SAMD12: variants seen among roughly 807,000 people sequenced by gnomAD.
The protein encoded by SAMD12 is sterile alpha motif domain containing 12, also known as sterile alpha motif domain-containing protein 12.
SAMD12 carries 9 observed loss-of-function variants against 15.0 expected under a neutral mutation model. The ratio of observed to expected loss-of-function variants is 0.60; its 90% CI spans 0.36 to 1.05. The LOEUF is 1.05. Ranked by LOEUF, SAMD12 falls within the 50% of genes least tolerant of loss-of-function variation. The pLI, the probability that SAMD12 is intolerant of heterozygous loss-of-function variation, is 0.01. For missense variants in SAMD12, 230 were observed against 234.2 expected (o/e 0.98, Z 0.12); for synonymous variants, 86 against 90.1 (o/e 0.96, Z 0.25).
chr8:118,603,440 A>G (rs1296452278), intron 1 of SAMD12, among the ~76,000 whole-genome samples: 3 of 152,242 alleles, frequency 2.0e-5, no homozygotes, highest in Admixed American at 2.0e-4. Context: ...TCCCAAAAAC[A>G]TGACTGGAAA....
chr8:118,184,480 A>G (rs577796787), downstream of SAMD12, among the ~76,000 whole-genome samples: 2 of 131,240 alleles, frequency 1.5e-5, no homozygotes, highest in African/African-American at 5.0e-5. Flanking sequence ...ATCTTTCTGA[A>G]TAATTTCTTT....
chr8:118,588,131 G>T (rs940925428), intron 1 of SAMD12, among the ~76,000 whole-genome samples: 8 of 152,262 alleles, frequency 5.3e-5, no homozygotes, highest in African/African-American at 1.7e-4. Flanking sequence ...TTGCTTAGCT[G>T]GGGTCCTAAG....
rs541859287 is a variant in SAMD12 at position 118,484,931 on chromosome 8, A to G, written c.193-44970T>C. ...GAGAATATGGAGGTCAAGAAACCCA[A>G]TGATCCTTGGTCGTATGCAGCTTTC... On this transcript the variant is annotated intron_variant, in intron 2 of 3. Transcript: ENST00000314727. 3.9e-5 allele frequency among the ~76,000 whole-genome samples: 6 copies of G among 152,308 alleles called. No homozygotes were observed. In the East Asian group the frequency reaches 9.6e-4, roughly 24 times the overall value.
chr8:118,557,517 T>G (rs1826575395), intron 2 of SAMD12, among the ~76,000 whole-genome samples: 1 of 152,190 alleles, frequency 6.6e-6, no homozygotes, highest in Admixed American at 6.5e-5. Context: ...GAAATGAGTC[T>G]TTAAAGATGA....
the SAMD12 span, among the ~76,000 whole-genome samples, chr8:118,168,345 T>C: frequency 2.0e-5 from 3 of 152,144 alleles, no homozygotes; most frequent in Non-Finnish European, 4.4e-5. Context: ...ACCTGTGTCC[T>C]CTCTTTCCAC....
chr8:118,533,380 T>G (rs1825742978), intron 2 of SAMD12, among the ~76,000 whole-genome samples: 1 of 152,236 alleles, frequency 6.6e-6, no homozygotes, highest in Admixed American at 6.5e-5. Flanking sequence ...AATTTTGGAA[T>G]AAGTGTGATG....
chr8:118,320,672 T>TGGGGGG (rs71569763), intron 4 of SAMD12, among the ~76,000 whole-genome samples: 136 of 85,120 alleles, frequency 1.6e-3, no homozygotes, highest in Middle Eastern at 6.6e-3. Context: ...TGTCGTGGGG[T>TGGGGGG]GGGGGGGGTG....
At chr8:118,262,607 C>G (rs543495376) in intron 4 of SAMD12, among the ~76,000 whole-genome samples, 1 of 152,072 alleles carries the variant, frequency 6.6e-6, no homozygotes, top group Non-Finnish European at 1.5e-5. Flanking sequence ...GCACAGACAA[C>G]ATGGAAAAGA....
the SAMD12 span, among the ~76,000 whole-genome samples, chr8:118,148,899 C>T: frequency 4.6e-5 from 7 of 152,120 alleles, no homozygotes; most frequent in African/African-American, 1.2e-4. Flanking sequence ...TTCTATTGTA[C>T]GGTTATACGG....
intron 2 of SAMD12, among the ~76,000 whole-genome samples, chr8:118,472,262 G>A (rs1490613761): frequency 2.6e-5 from 4 of 151,626 alleles, no homozygotes; most frequent in Non-Finnish European, 5.9e-5. Context: ...ACTCCAGCCC[G>A]GGTGACAGAG....
intron 3 of SAMD12, among the ~76,000 whole-genome samples, chr8:118,421,531 A>C (rs886682744): frequency 1.3e-5 from 2 of 152,178 alleles, no homozygotes; most frequent in Non-Finnish European, 2.9e-5. Flanking sequence ...TATTAATAGC[A>C]TTGTTCTATC....
intron 2 of SAMD12, among the ~76,000 whole-genome samples, chr8:118,521,224 G>A (rs1233879665): frequency 1.3e-5 from 2 of 152,092 alleles, no homozygotes; most frequent in African/African-American, 4.8e-5. Context: ...TCATCCAGCT[G>A]TTATCTCTAC....
intron 4 of SAMD12, among the ~76,000 whole-genome samples, chr8:118,261,879 T>C (rs1436071864): frequency 6.6e-6 from 1 of 151,890 alleles, no homozygotes; most frequent in Non-Finnish European, 1.5e-5. Context: ...CTTTTTTAAA[T>C]TGACATCTTT....
At chr8:118,568,628 T>C (rs538087636) in intron 2 of SAMD12, among the ~76,000 whole-genome samples, 5 of 152,314 alleles carry the variant, frequency 3.3e-5, no homozygotes, top group Admixed American at 1.3e-4. Context: ...AAAAATCACC[T>C]TGTACAATCC....
intron 2 of SAMD12, among the ~76,000 whole-genome samples, chr8:118,555,013 G>A (rs1431926354): frequency 6.6e-6 from 1 of 152,114 alleles, no homozygotes; most frequent in Non-Finnish European, 1.5e-5. Flanking sequence ...CCATGTTTGT[G>A]CATTTGGGAG....
chr8:118,466,554 C>G (rs920076937), intron 2 of SAMD12, among the ~76,000 whole-genome samples: 1 of 152,062 alleles, frequency 6.6e-6, no homozygotes, highest in Non-Finnish European at 1.5e-5. Context: ...AAAGTATTAA[C>G]TACAAAAAAC....
At chr8:118,419,588 C>A (rs574851117) in intron 3 of SAMD12, among the ~76,000 whole-genome samples, 6 of 152,304 alleles carry the variant, frequency 3.9e-5, no homozygotes, top group African/African-American at 1.2e-4. Flanking sequence ...TCATCCTTTG[C>A]TCTGTAGCTT....
At chr8:118,357,552 T>A (rs1411953082) in intron 4 of SAMD12, among the ~76,000 whole-genome samples, 1 of 152,188 alleles carries the variant, frequency 6.6e-6, no homozygotes, top group Non-Finnish European at 1.5e-5. Flanking sequence ...ATTTTAAATG[T>A]TCTTATCACA....
At chr8:118,580,548 A>T (rs538336881) in intron 2 of SAMD12, among the ~76,000 whole-genome samples, 167 bp downstream of exon 2, 1 of 152,198 alleles carries the variant, frequency 6.6e-6, no homozygotes, top group Non-Finnish European at 1.5e-5. Context: ...AAGGGAATAC[A>T]GTTAATATTT....
Sources: allele counts gnomAD v4.1 joint callset (sites outside exome capture counted in the v4.1 genomes callset), GRCh38; gene constraint gnomAD v4.1.1; transcripts MANE v1.5; gene names NCBI Gene and HGNC (gene_info 2026-07-23, HGNC 2026-07-21).